NELFA: variants seen among roughly 807,000 people sequenced by gnomAD.
NELFA encodes negative elongation factor A.
In NELFA, 35 loss-of-function variants were observed where a neutral mutation model predicts 51.8. That is an observed-to-expected ratio of 0.68 (90% CI 0.52 to 0.90). The LOEUF (loss-of-function observed/expected upper bound fraction) is 0.90, where lower values mean the gene tolerates loss of function less well. Ranked by LOEUF, NELFA falls within the 40% of genes least tolerant of loss-of-function variation. The pLI is 0.00. For missense variants in NELFA, 658 were observed against 746.4 expected, an observed-to-expected ratio of 0.88 and a Z score of 1.38; for synonymous variants, 417 against 338.4, an observed-to-expected ratio of 1.23 and a Z score of -2.55.
chr4:2,000,045 G>A (rs768454340), intron 1 of NELFA, among the ~76,000 whole-genome samples: 3 of 152,140 alleles, frequency 2.0e-5, no homozygotes, highest in Non-Finnish European at 4.4e-5. Context: ...TGAAATTAAG[G>A]CAGAAATCAA....
intron 1 of NELFA, chr4:2,006,922 G>A (rs933676428): frequency 6.5e-6 from 1 of 153,096 alleles, no homozygotes; most frequent in Non-Finnish European, 1.5e-5. Flanking sequence ...GGAAAAAAGA[G>A]AATTTAAAAG....
chr4:1,997,318 A>G (rs1728452159), intron 1 of NELFA, among the ~76,000 whole-genome samples: 1 of 152,210 alleles, frequency 6.6e-6, no homozygotes, highest in Non-Finnish European at 1.5e-5. Flanking sequence ...GCATAACCCC[A>G]ATACCAAAAT....
At chr4:2,000,633 A>G (rs1728547554) in intron 1 of NELFA, among the ~76,000 whole-genome samples, 1 of 152,178 alleles carries the variant, frequency 6.6e-6, no homozygotes, top group Non-Finnish European at 1.5e-5. Context: ...GACCAATAAC[A>G]AGCTCTGAAA....
intron 6 of NELFA, 44 bp from the exon 7 acceptor site, chr4:1,985,908 G>A: frequency 3.3e-6 from 5 of 1,520,970 alleles, no homozygotes; most frequent in South Asian, 1.2e-5. Flanking sequence ...GGGCGCGTCT[G>A]CAGTGTCAGC....
intron 1 of NELFA, among the ~76,000 whole-genome samples, chr4:1,996,400 C>T (rs772273710): frequency 1.2e-4 from 19 of 152,284 alleles, no homozygotes; most frequent in East Asian, 1.9e-4. Context: ...TATGGACATA[C>T]GCACATACAC....
intron 1 of NELFA, among the ~76,000 whole-genome samples, chr4:1,996,089 T>C (rs538918759): frequency 1.3e-5 from 2 of 152,190 alleles, no homozygotes; most frequent in Non-Finnish European, 2.9e-5. Context: ...CTAGAGTACA[T>C]ATGATTCGCA....
chr4:2,000,098 G>A (rs1728531829), intron 1 of NELFA, among the ~76,000 whole-genome samples: 1 of 152,158 alleles, frequency 6.6e-6, no homozygotes, highest in Non-Finnish European at 1.5e-5. Flanking sequence ...CAATGTAGCA[G>A]AATCTCTGGG....
Position 1,984,075 on chromosome 4 carries a change from GCTC to G in NELFA, c.1072_1074del (p.Glu358del). The G allele has an allele frequency of 3.1e-6, 5 of 1,594,008 alleles. No homozygotes were observed. The highest frequency in any genetic ancestry group is 2.2e-5 in the East Asian group (1 of 44,698). Reference sequence around the variant, plus strand: ...GGCAACGTGGGGCTCGGGGCGCTGGGCTCCTCTGGTGGGCGGCTGGCTTCCCGG... The same window carrying G: ...GGCAACGTGGGGCTCGGGGCGCTGGGCTCTGGTGGGCGGCTGGCTTCCCGG... On this transcript the variant is annotated inframe_deletion, in exon 9 of 11. Transcript: ENST00000382882.
rs1461680827 is a variant in NELFA at position 1,985,675 on chromosome 4, T to TA, written c.924+100dup. ...AATACAGACTGCACACATATGTACA[T>TA]ACATATATATATTCTCCGACAGAGC... On this transcript the variant is annotated intron_variant, in intron 7 of 10. Coordinates refer to ENST00000382882, the MANE Select transcript of NELFA (RefSeq NM_005663.5). 3.6e-6 allele frequency: 3 copies of TA among 840,324 alleles called. No homozygotes were observed. In the East Asian group the frequency reaches 7.8e-5, roughly 22 times the overall value. The allele number at this position is 840,324 out of a possible 1,614,324, so 52.1% of individuals were successfully genotyped here. A position where few individuals can be genotyped will look rare whatever the true frequency, so the allele number is the denominator to read the frequency against.
intron 6 of NELFA, 61 bp downstream of exon 6, chr4:1,986,053 C>A: frequency 6.5e-7 from 1 of 1,527,264 alleles, no homozygotes; most frequent in Non-Finnish European, 8.8e-7. Context: ...ACAACCCACC[C>A]CAACTGGGCA....
Position 1,989,649 on chromosome 4 carries a change from A to T in NELFA, c.544+59T>A. 1 of 1,558,848 alleles carries T rather than the reference A, an allele frequency of 6.4e-7. No individual in the cohort carries two copies. The highest frequency in any genetic ancestry group is 1.2e-5 in the South Asian group (1 of 83,328). On this transcript the variant is annotated intron_variant, in intron 3 of 10. Transcript: ENST00000382882. The surrounding 1 kb of genome is among the most constrained non-coding windows in gnomAD (Gnocchi z 4.8). Reference sequence around the variant, plus strand: ...GGGCAGTCTTGGTACCTTAGAACCTAAGAAACCTATGACTGGAAACTACAA... The same window carrying T: ...GGGCAGTCTTGGTACCTTAGAACCTTAGAAACCTATGACTGGAAACTACAA...
intron 4 of NELFA, among the ~76,000 whole-genome samples, chr4:1,986,872 G>A (rs546454855): frequency 2.0e-5 from 3 of 152,290 alleles, no homozygotes; most frequent in South Asian, 2.1e-4. Flanking sequence ...TGCCAGGCCC[G>A]GAGAGAGGAC....
chr4:2,006,147 A>G (rs1728704501), intron 1 of NELFA, among the ~76,000 whole-genome samples: 1 of 152,208 alleles, frequency 6.6e-6, no homozygotes, highest in Non-Finnish European at 1.5e-5. Context: ...TCGATATGTA[A>G]ATGACCAAAA....
intron 2 of NELFA, chr4:1,990,517 C>G (rs1381639704): frequency 4.4e-6 from 2 of 456,694 alleles, no homozygotes; most frequent in Admixed American, 2.3e-5. Flanking sequence ...TGGGGTGGAC[C>G]TGTCCAGACC....
Position 1,991,534 on chromosome 4 carries a change from C to T in NELFA, c.382+10G>A. On this transcript the variant is annotated intron_variant, in intron 2 of 10. Transcript: ENST00000382882. ...CTCCACCCAACATGAATTAAAGCAG[C>T]ACAACATACCCTTTTCTCTAAGTTC... 2 of 1,613,372 alleles carry T rather than the reference C, an allele frequency of 1.2e-6. No individual in the cohort carries two copies. Among genetic ancestry groups the T allele is most frequent in the South Asian group, 1.1e-5 (1 of 90,970 alleles).
In NELFA at chr4:1,983,479, TC is replaced by T. The variant is rs1478663174; in HGVS notation, c.1426del (p.Asp476ThrfsTer2). 1 of 1,613,858 alleles carries T rather than the reference TC, an allele frequency of 6.2e-7. No individual in the cohort carries two copies. Among genetic ancestry groups the T allele is most frequent in the Non-Finnish European group, 8.5e-7 (1 of 1,179,992 alleles). On this transcript the variant is annotated frameshift_variant, in exon 11 of 11. Transcript: ENST00000382882. LOFTEE classifies it high-confidence loss of function. ...CTCGCTCAGCTTGATCTGGATCACGTCCCCCTGCTCCTGGCACGGGTTCTCT... is the reference window on the plus strand; with the variant it reads ...CTCGCTCAGCTTGATCTGGATCACGTCCCCTGCTCCTGGCACGGGTTCTCT... ...SRENPCQEQG[D>X]VIQIKLSEHT...
At chr4:1,984,754 G>T in intron 8 of NELFA, 54 bp downstream of exon 8, 2 of 1,367,222 alleles carry the variant, frequency 1.5e-6, no homozygotes, top group Non-Finnish European at 2.0e-6. Flanking sequence ...CGTGGGCAAG[G>T]TCATGTCCTG....
Position 1,986,362 on chromosome 4 carries a change from G to T in NELFA, c.675C>A (p.Ser225Arg), listed in dbSNP as rs1264187285. The T allele has an allele frequency of 1.9e-6, 3 of 1,609,376 alleles. No homozygotes were observed. Among genetic ancestry groups the T allele is most frequent in the African/African-American group, 1.3e-5 (1 of 74,848 alleles). ...GGCTGAAGACGCTGGGCGCCGTGGGGCTTCTGAAGGGCGCCTGCTTCGGGA... is the reference window on the plus strand; with the variant it reads ...GGCTGAAGACGCTGGGCGCCGTGGGTCTTCTGAAGGGCGCCTGCTTCGGGA... ...KGIPKQAPFR[S>R]PTAPSVFSPT... The change falls in exon 5 of 11, where the codon AGC becomes AGA. Residue 225 changes from serine to arginine, a missense_variant. Around this residue, in one of 3 missense-constraint regions of NELFA, gnomAD observed 371 missense variants for 448.3 expected, o/e 0.83. Coordinates refer to ENST00000382882, the MANE Select transcript of NELFA (RefSeq NM_005663.5).
At chr4:2,005,286 G>A (rs1243932304) in intron 1 of NELFA, among the ~76,000 whole-genome samples, 2 of 151,818 alleles carry the variant, frequency 1.3e-5, no homozygotes, top group African/African-American at 4.8e-5. Flanking sequence ...TGAGCTGGAG[G>A]GTCCTAGCCA....
Sources: gnomAD v4.1 joint callset for allele counts (sites outside exome capture counted in the v4.1 genomes callset) on GRCh38, gnomAD v4.1.1 for gene constraint, gnomAD v4.1.1 regional missense constraint, Gnocchi (gnomAD v3.1) non-coding constraint, MANE v1.5 for transcripts, NCBI Gene and HGNC (gene_info 2026-07-23, HGNC 2026-07-21) for gene names.